IMPG1: variants seen among roughly 807,000 people sequenced by gnomAD.
IMPG1 encodes interphotoreceptor matrix proteoglycan of 150 kDa.
In IMPG1, 85 loss-of-function variants were observed where a neutral mutation model predicts 92.0. The ratio of observed to expected loss-of-function variants is 0.92; its 90% CI spans 0.78 to 1.11. The LOEUF is 1.11. IMPG1 is among the 50% of genes least tolerant of loss of function. The probability of loss-of-function intolerance (pLI) is 0.00; values close to 1 mark genes in which losing one functional copy is unlikely to be tolerated. For synonymous variants in IMPG1, 367 were observed against 334.1 expected, an observed-to-expected ratio of 1.10 and a Z score of -1.08; for missense variants, 1,022 against 956.0, an observed-to-expected ratio of 1.07 and a Z score of -0.91.
intron 14 of IMPG1, among the ~76,000 whole-genome samples, chr6:75,943,402 C>T (rs972249219): frequency 2.0e-5 from 3 of 152,134 alleles, no homozygotes; most frequent in African/African-American, 4.8e-5. Flanking sequence ...TGTGAGCTCC[C>T]ACCAGCACTG....
chr6:75,978,358 A>G (rs891757993), intron 12 of IMPG1, among the ~76,000 whole-genome samples: 2 of 152,098 alleles, frequency 1.3e-5, no homozygotes, highest in African/African-American at 2.4e-5. Context: ...TTTGCTTTTA[A>G]TAAGTTCCAG....
At chr6:76,030,260 A>G (rs1411522689) in intron 4 of IMPG1, among the ~76,000 whole-genome samples, 3 of 152,056 alleles carry the variant, frequency 2.0e-5, no homozygotes, top group Non-Finnish European at 4.4e-5. Context: ...TCATGGTGGG[A>G]CCTGACAAGG....
intron 15 of IMPG1, among the ~76,000 whole-genome samples, chr6:75,924,631 T>C (rs1582043843): frequency 1.3e-4 from 3 of 22,974 alleles, no homozygotes; most frequent in African/African-American, 6.1e-4. Flanking sequence ...TAATAAATTA[T>C]ATATTATATA....
chr6:75,937,958 T>C (rs1441737875), intron 14 of IMPG1, among the ~76,000 whole-genome samples: 1 of 152,246 alleles, frequency 6.6e-6, no homozygotes, highest in African/African-American at 2.4e-5. Flanking sequence ...TACATGCTTC[T>C]GAAGAATTTT....
intron 12 of IMPG1, 56 bp from the exon 13 acceptor site, chr6:75,951,150 G>A (rs1782025099): frequency 9.9e-6 from 13 of 1,315,100 alleles, no homozygotes; most frequent in Middle Eastern, 4.4e-4. Flanking sequence ...AATAGAAAGT[G>A]AAAAAAAGAA....
intron 14 of IMPG1, among the ~76,000 whole-genome samples, chr6:75,945,423 T>C (rs1301851635): frequency 6.6e-6 from 1 of 150,940 alleles, no homozygotes; most frequent in Non-Finnish European, 1.5e-5. Context: ...CAATTTTATC[T>C]CACTGCAACC....
chr6:75,986,810 G>A (rs1582087174), intron 12 of IMPG1, among the ~76,000 whole-genome samples: 2 of 152,130 alleles, frequency 1.3e-5, no homozygotes, highest in East Asian at 3.9e-4. Context: ...GTATGTGAAG[G>A]CTGCAAACTT....
At chr6:75,944,023 A>G (rs1024782094) in intron 14 of IMPG1, among the ~76,000 whole-genome samples, 3 of 152,244 alleles carry the variant, frequency 2.0e-5, no homozygotes, top group African/African-American at 7.2e-5. Context: ...ATGCATTAGC[A>G]TGTTATATGG....
intron 12 of IMPG1, among the ~76,000 whole-genome samples, chr6:75,965,038 C>G (rs1782283223): frequency 6.6e-6 from 1 of 152,058 alleles, no homozygotes; most frequent in Non-Finnish European, 1.5e-5. Context: ...TAATTTGTTC[C>G]TTTTTATTGC....
intron 4 of IMPG1, among the ~76,000 whole-genome samples, chr6:76,032,543 A>G (rs182721329): frequency 2.4e-3 from 369 of 152,326 alleles, no homozygotes; most frequent in African/African-American, 8.5e-3. Context: ...GTGGGAAAGT[A>G]TGAAACAGTT....
chr6:76,014,422 A>G (rs1783247145), intron 7 of IMPG1, among the ~76,000 whole-genome samples: 1 of 152,136 alleles, frequency 6.6e-6, no homozygotes, highest in Admixed American at 6.5e-5. Context: ...GTCTCCACCC[A>G]CACCCTGCCA....
intron 14 of IMPG1, among the ~76,000 whole-genome samples, chr6:75,943,678 G>T (rs780668468): frequency 6.6e-6 from 1 of 152,234 alleles, no homozygotes; most frequent in Non-Finnish European, 1.5e-5. Context: ...AGTGGCTGCA[G>T]CTGGCTGCTT....
chr6:76,022,173 G>T lies in IMPG1; in HGVS notation c.609C>A (p.Asp203Glu). The part of the protein sequence containing the change: ...SLGPFPLTPD[D>E]TLLNEILDNT... ...TATCGAGAATTTCATTGAGGAGGGT[G>T]TCATCAGGAGTGAGAGGGAAAGGCC... Residue 203 changes from aspartate to glutamate, a missense_variant, in exon 6 of 17, where the codon GAC (aspartate) becomes GAA (glutamate). Asp to Glu is a conservative substitution (Grantham distance 45, BLOSUM62 2). Transcript: ENST00000369950. 1.3e-6 allele frequency: 2 copies of T among 1,597,420 alleles called. No homozygotes were observed. The highest frequency in any genetic ancestry group is 1.7e-6 in the Non-Finnish European group (2 of 1,168,474).
At chr6:75,934,032 G>A (rs1029891782) in intron 14 of IMPG1, among the ~76,000 whole-genome samples, 3 of 152,156 alleles carry the variant, frequency 2.0e-5, no homozygotes, top group Non-Finnish European at 4.4e-5. Flanking sequence ...GGGGTTTCCA[G>A]GAGACACCAC....
intron 1 of IMPG1, among the ~76,000 whole-genome samples, chr6:76,065,852 GAAATCTC>G (rs1014726899): frequency 2.0e-5 from 3 of 152,056 alleles, no homozygotes; most frequent in Non-Finnish European, 4.4e-5. Flanking sequence ...ACCTATAAGT[GAAATCTC>G]ATAGTATTAG....
chr6:76,040,319 T>A (rs1458032475), intron 2 of IMPG1, among the ~76,000 whole-genome samples: 1 of 152,250 alleles, frequency 6.6e-6, no homozygotes, highest in African/African-American at 2.4e-5. Flanking sequence ...CAGTGAATCC[T>A]ATTTGTGAAT....
intron 1 of IMPG1, among the ~76,000 whole-genome samples, chr6:76,068,347 A>T (rs1258861579): frequency 1.3e-5 from 2 of 152,116 alleles, no homozygotes; most frequent in Non-Finnish European, 2.9e-5. Flanking sequence ...AAGGTTTGGG[A>T]TACAAAATCA....
chr6:75,921,981 G>GTA lies in IMPG1; in HGVS notation c.*106_*107dup. ...TGTGTGCTGATTCTCAGTGTTGACT[G>GTA]TATGTCTGGATTTTGATGACCCATG... On this transcript the variant is annotated 3_prime_UTR_variant, in exon 17 of 17. Transcript: ENST00000369950. 1.5e-6 allele frequency: 1 copy of GTA among 654,428 alleles called. No individual in the cohort carries two copies. Among genetic ancestry groups the GTA allele is most frequent in the East Asian group, 2.9e-5 (1 of 35,058 alleles). The allele number at this position is 654,428 out of a possible 1,614,324, so 40.5% of individuals were successfully genotyped here.
intron 14 of IMPG1, among the ~76,000 whole-genome samples, chr6:75,939,391 C>T (rs553891300): frequency 6.6e-6 from 1 of 152,254 alleles, no homozygotes; most frequent in South Asian, 2.1e-4. Context: ...TGATGTTCCC[C>T]TTCCTGTGTC....
Sources: allele counts gnomAD v4.1 joint callset (sites outside exome capture counted in the v4.1 genomes callset), GRCh38; gene constraint gnomAD v4.1.1; transcripts MANE v1.5; gene names NCBI Gene and HGNC (gene_info 2026-07-23, HGNC 2026-07-21).